The following TRAP1 variants were observed in gnomAD, a reference collection of about 807,000 sequenced individuals.
TRAP1 encodes heat shock protein 75 kDa, mitochondrial.
In TRAP1, 102 loss-of-function variants were observed where a neutral mutation model predicts 89.1. The observed-to-expected ratio is 1.15, with a 90% CI of 0.98 to 1.35. The LOEUF (loss-of-function observed/expected upper bound fraction) is 1.35, where lower values mean the gene tolerates loss of function less well. Among genes scored for constraint, TRAP1 ranks in the 40% most tolerant of loss-of-function variants. TRAP1 has a pLI of 0.00. For synonymous variants in TRAP1, 508 were observed against 388.0 expected, an observed-to-expected ratio of 1.31 and a Z score of -3.64; for missense variants, 1,256 against 945.3, an observed-to-expected ratio of 1.33 and a Z score of -4.31.
At chr16:3,712,258 C>T (rs574673232) in intron 1 of TRAP1, among the ~76,000 whole-genome samples, 98 of 116,640 alleles carry the variant, frequency 8.4e-4, no homozygotes, top group Admixed American at 1.5e-3. Context: ...CACTGCACTT[C>T]AGCCTGGCGA....
intron 12 of TRAP1, 96 bp downstream of exon 12, chr16:3,665,875 G>C: frequency 1.4e-6 from 2 of 1,466,336 alleles, no homozygotes; most frequent in South Asian, 1.4e-5. Context: ...GTACCCAGCT[G>C]CACCGTCGCC....
intron 2 of TRAP1, among the ~76,000 whole-genome samples, chr16:3,690,029 G>A (rs2051192348): frequency 6.6e-6 from 1 of 151,688 alleles, no homozygotes; most frequent in South Asian, 2.1e-4. Context: ...TTTTTTAGAG[G>A]CAGGATCTGG....
chr16:3,701,559 A>AAC (rs112836956), intron 1 of TRAP1, among the ~76,000 whole-genome samples: 10,703 of 151,260 alleles, frequency 0.071, 1,234 homozygotes, highest in African/African-American at 0.24. Context: ...CCAAAAAAAA[A>AAC]AAAAAAAAAT....
At chr16:3,662,587 G>A (rs1350841691) in intron 15 of TRAP1, 5 of 618,460 alleles carry the variant, frequency 8.1e-6, no homozygotes, top group South Asian at 6.3e-5. Flanking sequence ...CATGTCCCTT[G>A]TTTGGAACCC....
chr16:3,679,846 G>A, intron 4 of TRAP1, 56 bp from the exon 5 acceptor site: 2 of 1,569,670 alleles, frequency 1.3e-6, no homozygotes, highest in Non-Finnish European at 1.8e-6. Context: ...AGCCGGGTGA[G>A]TGCACCAGCA....
intron 2 of TRAP1, among the ~76,000 whole-genome samples, chr16:3,690,170 C>A (rs1227835302): frequency 6.6e-6 from 1 of 152,206 alleles, no homozygotes; most frequent in East Asian, 1.9e-4. Flanking sequence ...CCATGCCTGG[C>A]TAACTTTTTA....
intron 1 of TRAP1, among the ~76,000 whole-genome samples, chr16:3,702,115 T>A (rs531336622): frequency 1.3e-5 from 2 of 149,430 alleles, no homozygotes; most frequent in Non-Finnish European, 2.9e-5. Context: ...ACAGTGAGAC[T>A]CCATCTCGGG....
chr16:3,699,647 AAAAAG>A (rs2051338854), intron 1 of TRAP1, among the ~76,000 whole-genome samples: 1 of 151,764 alleles, frequency 6.6e-6, no homozygotes, highest in African/African-American at 2.4e-5. Context: ...AAAAAAAAAA[AAAAAG>A]ATTTATTCAT....
intron 15 of TRAP1, 125 bp from the exon 16 acceptor site, chr16:3,662,257 G>C: frequency 8.7e-7 from 1 of 1,156,058 alleles, no homozygotes; most frequent in Non-Finnish European, 1.2e-6. Flanking sequence ...GGACTCCCCT[G>C]GACCAGCGCT....
intron 1 of TRAP1, among the ~76,000 whole-genome samples, chr16:3,693,403 ATCCCGGGACAT>A (rs2051243087): frequency 1.6e-5 from 1 of 62,672 alleles, no homozygotes; most frequent in Admixed American, 1.9e-4. Context: ...AAAAAAAAAA[ATCCCGGGACAT>A]TTCTTCTGGA....
chr16:3,669,327 ACTG>A (rs2050878991), intron 11 of TRAP1, among the ~76,000 whole-genome samples: 1 of 152,184 alleles, frequency 6.6e-6, no homozygotes, highest in Non-Finnish European at 1.5e-5. Context: ...GGTCAGCACA[ACTG>A]CTGCCCTGTG....
chr16:3,688,269 G>A lies in TRAP1; in HGVS notation c.330+786C>T, dbSNP rs576117079. On this transcript the variant is annotated intron_variant, in intron 3 of 17. Transcript: ENST00000246957. ...TCCTACCTTGGCCTCCTAAAGTGCC[G>A]GGATTACAGGTGTGGGTCACCGCAC... 7.0e-4 allele frequency among the ~76,000 whole-genome samples: 106 copies of A among 152,026 alleles called. 1 individual carries two copies. The highest frequency in any genetic ancestry group is 5.7e-3 in the Admixed American group (87 of 15,242).
intron 1 of TRAP1, among the ~76,000 whole-genome samples, chr16:3,705,741 A>G (rs1008954436): frequency 6.6e-6 from 1 of 152,130 alleles, no homozygotes; most frequent in East Asian, 1.9e-4. Flanking sequence ...GTGCAATGAC[A>G]TGATCTTGGC....
intron 4 of TRAP1, among the ~76,000 whole-genome samples, chr16:3,685,449 G>T (rs1333780682): frequency 6.6e-6 from 1 of 152,046 alleles, no homozygotes; most frequent in Non-Finnish European, 1.5e-5. Flanking sequence ...TCCCACCGAG[G>T]CCAGTCTGTC....
chr16:3,689,232 G>C, intron 2 of TRAP1, 95 bp from the exon 3 acceptor site: 1 of 829,594 alleles, frequency 1.2e-6, no homozygotes, highest in South Asian at 1.8e-5. Flanking sequence ...TTAAGTTTAT[G>C]AGTTTTAAAC....
chr16:3,658,553 G>A, intron 17 of TRAP1: 1 of 577,606 alleles, frequency 1.7e-6, no homozygotes, highest in Non-Finnish European at 3.1e-6. Context: ...CATGCCTGTA[G>A]TCCCAGCTAC....
intron 14 of TRAP1, 27 bp downstream of exon 14, chr16:3,663,397 C>T (rs775413710): frequency 1.4e-5 from 22 of 1,613,360 alleles, no homozygotes; most frequent in Admixed American, 3.3e-5. Context: ...AAACCAGCCC[C>T]ACGCCTAGAG....
In TRAP1 at chr16:3,658,938, T is replaced by TATC. The variant is rs1464883994; in HGVS notation, c.1941-76_1941-74dup. ...TGACCCTCCCTTCATGTTTTGGGAT[T>TATC]ATCAGGATATTTAAAGAAGCACAGT... On this transcript the variant is annotated intron_variant, in intron 16 of 17. Transcript: ENST00000246957. 3.3e-6 allele frequency: 5 copies of TATC among 1,496,862 alleles called. 1 individual carries two copies. Among genetic ancestry groups the TATC allele is most frequent in the Non-Finnish European group, 4.6e-6 (5 of 1,079,326 alleles). The allele number at this position is 1,496,862 out of a possible 1,614,324, so 92.7% of individuals were successfully genotyped here. A position where few individuals can be genotyped will look rare whatever the true frequency, so the allele number is the denominator to read the frequency against.
chr16:3,676,077 T>G lies in TRAP1; in HGVS notation c.773A>C (p.Lys258Thr). 3.1e-6 allele frequency: 5 copies of G among 1,613,916 alleles called. No individual in the cohort carries two copies. Among genetic ancestry groups the G allele is most frequent in the Non-Finnish European group, 4.2e-6 (5 of 1,179,932 alleles). The change falls in exon 7 of 18, where the codon AAA (lysine) becomes ACA (threonine). Residue 258 changes from lysine (K) to threonine (T), a missense_variant. Lys to Thr is a moderately conservative substitution (Grantham distance 78, BLOSUM62 -1). Coordinates refer to ENST00000246957, the MANE Select transcript of TRAP1 (RefSeq NM_016292.3). The part of the protein sequence containing the change: ...RTGTKIIIHL[K>T]SDCKEFSSEA... ...GCTGGAAAACTCCTTGCAGTCGGAT[T>G]TCAGGTGGATGATGATTTTTGTCCC...
Sources: allele counts gnomAD v4.1 joint callset (sites outside exome capture counted in the v4.1 genomes callset), GRCh38; gene constraint gnomAD v4.1.1; transcripts MANE v1.5; gene names NCBI Gene and HGNC (gene_info 2026-07-23, HGNC 2026-07-21).